Variants in HS2ST1 observed in about 807,000 individuals in gnomAD.
HS2ST1 encodes 2-O-sulfotransferase.
In HS2ST1, 18 loss-of-function variants were observed where a neutral mutation model predicts 42.9. That is an observed-to-expected ratio of 0.42 (90% CI 0.29 to 0.62). The LOEUF (loss-of-function observed/expected upper bound fraction) is 0.62, where lower values mean the gene tolerates loss of function less well. Among genes scored for constraint, HS2ST1 ranks in the 20% least tolerant of loss-of-function variants. HS2ST1 has a pLI of 0.21. For synonymous variants in HS2ST1, 146 were observed against 152.9 expected (o/e 0.95, Z 0.33); for missense variants, 334 against 433.8 (o/e 0.77, Z 2.04).
chr1:87,029,365 T>C (rs1175178455), intron 1 of HS2ST1, among the ~76,000 whole-genome samples: 1 of 152,230 alleles, frequency 6.6e-6, no homozygotes, highest in Non-Finnish European at 1.5e-5. Flanking sequence ...TCTAAACATT[T>C]GTTTGATTTT....
intron 1 of HS2ST1, among the ~76,000 whole-genome samples, chr1:86,916,566 C>T (rs1275422299): frequency 6.6e-6 from 1 of 152,180 alleles, no homozygotes; most frequent in Non-Finnish European, 1.5e-5. Flanking sequence ...ACTTCCAGCC[C>T]TCAATTCTAG....
chr1:87,083,646 A>C (rs950853878), intron 2 of HS2ST1, among the ~76,000 whole-genome samples: 9 of 152,150 alleles, frequency 5.9e-5, no homozygotes, highest in African/African-American at 2.2e-4. Flanking sequence ...TACATCTCTA[A>C]TTTTATTAAT....
intron 1 of HS2ST1, among the ~76,000 whole-genome samples, chr1:87,028,667 T>C (rs1421893134): frequency 3.3e-5 from 5 of 152,214 alleles, no homozygotes; most frequent in Non-Finnish European, 7.4e-5. Context: ...GATACATGTA[T>C]ACACACACGT....
intron 1 of HS2ST1, among the ~76,000 whole-genome samples, chr1:86,973,150 G>C (rs1275921414): frequency 1.3e-5 from 2 of 151,754 alleles, no homozygotes; most frequent in East Asian, 3.9e-4. Context: ...GACACTTTGA[G>C]ACTATGCAGA....
intron 2 of HS2ST1, among the ~76,000 whole-genome samples, chr1:87,080,873 G>T (rs911689061): frequency 1.3e-5 from 2 of 152,098 alleles, no homozygotes; most frequent in African/African-American, 2.4e-5. Context: ...CAGAAGGAAC[G>T]TTTAGACAGC....
intron 4 of HS2ST1, among the ~76,000 whole-genome samples, chr1:87,094,256 C>T (rs1042722218): frequency 2.6e-5 from 4 of 151,920 alleles, no homozygotes; most frequent in African/African-American, 9.7e-5. Context: ...CCCCTATATC[C>T]ATCATTTATC....
chr1:87,054,735 C>T, intron 1 of HS2ST1, among the ~76,000 whole-genome samples: 1 of 152,132 alleles, frequency 6.6e-6, no homozygotes, highest in East Asian at 1.9e-4. Flanking sequence ...GTGCTTTCTG[C>T]ACTCTATCGG....
intron 1 of HS2ST1, among the ~76,000 whole-genome samples, chr1:87,038,787 T>TG (rs1650447746): frequency 6.6e-6 from 1 of 152,192 alleles, no homozygotes; most frequent in African/African-American, 2.4e-5. Flanking sequence ...GATTATGTGT[T>TG]GTGAAGGTTG....
chr1:87,107,655 A>G lies in HS2ST1; in HGVS notation c.*2959A>G, dbSNP rs1652357040. On this transcript the variant is annotated 3_prime_UTR_variant, in exon 7 of 7. Coordinates refer to ENST00000370550, the MANE Select transcript of HS2ST1 (RefSeq NM_012262.4). ...GAAATATATATACATATATATATATATGTTTATTTCCTAAAAGAAGAAAAG... is the reference window on the plus strand; with the variant it reads ...GAAATATATATACATATATATATATGTGTTTATTTCCTAAAAGAAGAAAAG... 6.1e-5 allele frequency: 1 copy of G among 16,348 alleles called. No homozygotes were observed. Among genetic ancestry groups the G allele is most frequent in the Non-Finnish European group, 3.3e-4 (1 of 2,992 alleles). The allele number at this position is 16,348 out of a possible 1,614,324, so 1.0% of individuals were successfully genotyped here. A position where few individuals can be genotyped will look rare whatever the true frequency, so the allele number is the denominator to read the frequency against.
chr1:87,091,089 C>A (rs1336179580), intron 3 of HS2ST1, among the ~76,000 whole-genome samples: 4 of 151,890 alleles, frequency 2.6e-5, no homozygotes, highest in Admixed American at 2.6e-4. Context: ...CTATCTGTCC[C>A]AAGTAGAATG....
rs1557504826 is a variant in HS2ST1, at chr1:86,985,441, T to TACACACATATAC, written c.124+70286_124+70287insCATATACACACA. 8.8e-5 allele frequency among the ~76,000 whole-genome samples: 3 copies of TACACACATATAC among 34,070 alleles called. 1 individual carries two copies. Among genetic ancestry groups the TACACACATATAC allele is most frequent in the African/African-American group, 1.6e-4 (3 of 18,356 alleles). The allele number at this position is 34,070 out of a possible 152,430, so 22.4% of individuals were successfully genotyped here. A position where few individuals can be genotyped will look rare whatever the true frequency, so the allele number is the denominator to read the frequency against. On this transcript the variant is annotated intron_variant, in intron 1 of 6. Coordinates refer to ENST00000370550, the MANE Select transcript of HS2ST1 (RefSeq NM_012262.4). The stretch of plus-strand genomic sequence containing the variant: ...ATATACACATATATACACACATATA[T>TACACACATATAC]ACACATATATACACACATATATACA...
At chr1:86,966,527 G>C (rs1223864721) in intron 1 of HS2ST1, among the ~76,000 whole-genome samples, 1 of 152,160 alleles carries the variant, frequency 6.6e-6, no homozygotes, top group East Asian at 1.9e-4. Flanking sequence ...TTATTTCTTA[G>C]TTGGATTAGA....
intron 1 of HS2ST1, among the ~76,000 whole-genome samples, chr1:86,996,408 C>T (rs1649104654): frequency 6.7e-6 from 1 of 148,704 alleles, no homozygotes; most frequent in Non-Finnish European, 1.5e-5. Context: ...TGCCATTGCA[C>T]TCCAGCCTGG....
chr1:87,064,332 G>A (rs1306056877), intron 1 of HS2ST1, among the ~76,000 whole-genome samples: 2 of 152,110 alleles, frequency 1.3e-5, no homozygotes, highest in Non-Finnish European at 2.9e-5. Flanking sequence ...GGTCCCAGGG[G>A]TTCCAGTAGT....
chr1:87,087,335 T>C (rs1651839064), intron 3 of HS2ST1, among the ~76,000 whole-genome samples: 1 of 152,140 alleles, frequency 6.6e-6, no homozygotes, highest in South Asian at 2.1e-4. Flanking sequence ...GCTACCTCAG[T>C]GTCACATGTC....
chr1:86,977,209 A>T (rs1648445685), intron 1 of HS2ST1, among the ~76,000 whole-genome samples: 1 of 152,180 alleles, frequency 6.6e-6, no homozygotes, highest in African/African-American at 2.4e-5. Context: ...CATGATGGAT[A>T]TTAACTCCAT....
intron 1 of HS2ST1, among the ~76,000 whole-genome samples, chr1:86,937,425 A>C (rs74372607): frequency 6.6e-6 from 1 of 152,206 alleles, no homozygotes; most frequent in African/African-American, 2.4e-5. Context: ...AAGAACATCA[A>C]ATATTAACTT....
intron 1 of HS2ST1, among the ~76,000 whole-genome samples, chr1:87,003,420 A>C (rs1346198281): frequency 6.6e-6 from 1 of 152,226 alleles, no homozygotes; most frequent in African/African-American, 2.4e-5. Flanking sequence ...AAAACCAGTT[A>C]GTTTTTGTTT....
intron 1 of HS2ST1, among the ~76,000 whole-genome samples, chr1:86,939,363 T>C (rs1024240757): frequency 1.3e-5 from 2 of 152,242 alleles, no homozygotes; most frequent in African/African-American, 4.8e-5. Flanking sequence ...GATTTGTTTT[T>C]GTAGTGGGAA....
Sources: allele counts gnomAD v4.1 joint callset (sites outside exome capture counted in the v4.1 genomes callset), GRCh38; gene constraint gnomAD v4.1.1; transcripts MANE v1.5; gene names NCBI Gene and HGNC (gene_info 2026-07-23, HGNC 2026-07-21).